TLN2: variants seen among roughly 807,000 people sequenced by gnomAD.
The protein encoded by TLN2 is talin-2.
A neutral mutation model predicts 294.7 loss-of-function variants in TLN2; 118 were observed. That is an observed-to-expected ratio of 0.40 (90% CI 0.34 to 0.47). TLN2 has a LOEUF of 0.47. Ranked by LOEUF, TLN2 falls within the 20% of genes least tolerant of loss-of-function variation. TLN2 has a pLI of 0.84. For synonymous variants in TLN2, 1,431 were observed against 1,304.5 expected (o/e 1.10, Z -2.09); for missense variants, 3,083 against 3,282.2 (o/e 0.94, Z 1.48).
Position 62,762,383 on chromosome 15 carries a change from AC to A in TLN2, c.4893del (p.Trp1632GlyfsTer73). The A allele has an allele frequency of 6.2e-7, 1 of 1,614,126 alleles. No homozygotes were observed. Reference protein sequence around the residue: ...SLAINPKDPPTWSVLAGHSHT... With the variant: ...SLAINPKDPPXWSVLAGHSHT... ...GGCCATCAACCCCAAAGACCCACCC[AC>A]CTGGTCTGTACTGGCTGGACATTCC... On this transcript the variant is annotated frameshift_variant, in exon 39 of 59. Transcript: ENST00000636159. LOFTEE classifies it high-confidence loss of function.
intron 20 of TLN2, among the ~76,000 whole-genome samples, 179 bp from the exon 21 acceptor site, chr15:62,708,323 A>T (rs1191339266): frequency 6.6e-6 from 1 of 152,206 alleles, no homozygotes; most frequent in African/African-American, 2.4e-5. Flanking sequence ...AGAGCGTGTG[A>T]GACTGAAGCA....
Position 62,792,775 on chromosome 15 carries a change from C to G in TLN2, c.5871C>G (p.Ala1957=). The change falls in exon 46 of 59, where the codon GCC becomes GCG. Residue 1957 remains alanine, a synonymous_variant. Transcript: ENST00000636159. ...TKRELIECAR[A]VTEKVSLVLS... The stretch of plus-strand genomic sequence containing the variant: ...GGGAGCTGATCGAATGCGCCCGTGC[C>G]GTCACGGAAAAGGTAAGGAGCAGCC... The G allele has an allele frequency of 6.2e-7, 1 of 1,613,968 alleles. No homozygotes were observed. The highest frequency in any genetic ancestry group is 8.5e-7 in the Non-Finnish European group (1 of 1,180,002).
intron 42 of TLN2, among the ~76,000 whole-genome samples, chr15:62,772,340 T>C (rs1173941669): frequency 6.6e-6 from 1 of 152,216 alleles, no homozygotes; most frequent in South Asian, 2.1e-4. Flanking sequence ...TGCTGAAATA[T>C]TAAGCGCCAG....
In TLN2 at chr15:62,809,984, G is replaced by T; in HGVS notation, c.6723G>T (p.Gly2241=). 3 of 1,614,102 alleles carry T rather than the reference G, an allele frequency of 1.9e-6. No homozygotes were observed. Among genetic ancestry groups the T allele is most frequent in the Non-Finnish European group, 2.5e-6 (3 of 1,180,032 alleles). ...TGAGAACCAGAGCCTTGCGTTTCGG[G>T]ACGGAGTGCACCCTTGGCTACTTGG... ...DEVRTRALRF[G]TECTLGYLDL... is the part of the protein sequence containing the mutation. The change falls in exon 52 of 59, where the codon GGG becomes GGT. Residue 2241 remains glycine, a synonymous_variant. Coordinates refer to ENST00000636159, the MANE Select transcript of TLN2 (RefSeq NM_015059.3).
chr15:62,405,962 G>A (rs2033372922), intron 1 of TLN2, among the ~76,000 whole-genome samples: 1 of 152,194 alleles, frequency 6.6e-6, no homozygotes, highest in South Asian at 2.1e-4. Flanking sequence ...ATGAACCTCA[G>A]AAGTTGTTTA....
chr15:62,760,101 C>T (rs897996028), intron 37 of TLN2, among the ~76,000 whole-genome samples: 4 of 152,098 alleles, frequency 2.6e-5, no homozygotes, highest in African/African-American at 9.7e-5. Context: ...AAGTAGCCGG[C>T]GTGCAAGGGT....
chr15:62,502,436 G>A (rs893098119), intron 1 of TLN2, among the ~76,000 whole-genome samples: 12 of 152,340 alleles, frequency 7.9e-5, no homozygotes, highest in African/African-American at 2.9e-4. Context: ...ACTGGGAGGG[G>A]AGTCAGCCAG....
At chr15:62,543,855 G>A (rs982781850) in intron 1 of TLN2, among the ~76,000 whole-genome samples, 2 of 151,970 alleles carry the variant, frequency 1.3e-5, no homozygotes, top group African/African-American at 4.8e-5. Flanking sequence ...ATATTAAACT[G>A]TGTTAAACTG....
intron 1 of TLN2, among the ~76,000 whole-genome samples, chr15:62,578,129 T>C (rs2044591440): frequency 6.6e-6 from 1 of 152,248 alleles, no homozygotes; most frequent in South Asian, 2.1e-4. Context: ...GTCTTTGCTA[T>C]TGTGAATAGT....
chr15:62,419,386 G>T (rs938058485), intron 1 of TLN2, among the ~76,000 whole-genome samples: 1 of 152,168 alleles, frequency 6.6e-6, no homozygotes, highest in Non-Finnish European at 1.5e-5. Flanking sequence ...CTGGCTTAAA[G>T]GCCACAAGAC....
At chr15:62,590,109 AG>A (rs1220626988) in intron 2 of TLN2, among the ~76,000 whole-genome samples, 5 of 152,120 alleles carry the variant, frequency 3.3e-5, no homozygotes, top group African/African-American at 7.2e-5. Context: ...GTGTGACGTG[AG>A]GGGGTAAGTG....
At chr15:62,786,946 G>C (rs1382670920) in intron 45 of TLN2, among the ~76,000 whole-genome samples, 1 of 152,100 alleles carries the variant, frequency 6.6e-6, no homozygotes, top group Non-Finnish European at 1.5e-5. Context: ...TGTTGCCCAG[G>C]CTGGAGTACA....
intron 9 of TLN2, among the ~76,000 whole-genome samples, chr15:62,672,173 G>A (rs1057046450): frequency 6.6e-6 from 1 of 152,028 alleles, no homozygotes; most frequent in Admixed American, 6.6e-5. Context: ...GATGATTTTG[G>A]ACTTCTTTTA....
chr15:62,401,016 G>A (rs140775195), intron 1 of TLN2, among the ~76,000 whole-genome samples: 30 of 152,014 alleles, frequency 2.0e-4, no homozygotes, highest in African/African-American at 7.0e-4. Context: ...GGGTTTCACC[G>A]TGTTGCCCAG....
chr15:62,825,236 T>G (rs1474113632), intron 54 of TLN2, among the ~76,000 whole-genome samples: 1 of 152,126 alleles, frequency 6.6e-6, no homozygotes, highest in Non-Finnish European at 1.5e-5. Flanking sequence ...CCGGCTTTGG[T>G]TTTGAGTCCA....
At chr15:62,605,702 T>C (rs2047376750) in intron 2 of TLN2, among the ~76,000 whole-genome samples, 1 of 152,212 alleles carries the variant, frequency 6.6e-6, no homozygotes, top group Non-Finnish European at 1.5e-5. Flanking sequence ...TTTTCTTCCT[T>C]GTGACTCGGT....
chr15:62,697,053 A>G (rs1567382230), intron 14 of TLN2, among the ~76,000 whole-genome samples: 1 of 152,246 alleles, frequency 6.6e-6, no homozygotes, highest in East Asian at 1.9e-4. Flanking sequence ...ATATCAACAT[A>G]TCAATACATT....
At chr15:62,625,051 G>T (rs540117194) in intron 3 of TLN2, among the ~76,000 whole-genome samples, 33 of 152,292 alleles carry the variant, frequency 2.2e-4, no homozygotes, top group Non-Finnish European at 2.9e-5. Context: ...ATGACTGGAG[G>T]ATTCAGGGGT....
intron 3 of TLN2, among the ~76,000 whole-genome samples, chr15:62,626,001 T>G (rs1018739372): frequency 1.3e-5 from 2 of 152,214 alleles, no homozygotes; most frequent in African/African-American, 4.8e-5. Context: ...AGATGCCACC[T>G]TCTTCCATGG....
Sources: gnomAD v4.1 joint callset for allele counts (sites outside exome capture counted in the v4.1 genomes callset) on GRCh38, gnomAD v4.1.1 for gene constraint, MANE v1.5 for transcripts, NCBI Gene and HGNC (gene_info 2026-07-23, HGNC 2026-07-21) for gene names.